MXD3: variants seen among roughly 807,000 people sequenced by gnomAD.
MXD3 encodes Max-associated protein 3.
In MXD3, 20 loss-of-function variants were observed where a neutral mutation model predicts 27.5. The observed-to-expected ratio is 0.73, with a 90% CI of 0.51 to 1.06. The LOEUF (loss-of-function observed/expected upper bound fraction) is 1.06, where lower values mean the gene tolerates loss of function less well. MXD3 is among the 50% of genes least tolerant of loss of function. The probability of loss-of-function intolerance (pLI) is 0.00; values close to 1 mark genes in which losing one functional copy is unlikely to be tolerated. For synonymous variants in MXD3, 150 were observed against 130.7 expected (o/e 1.15, Z -1.01); for missense variants, 298 against 291.3 (o/e 1.02, Z -0.17).
At chr5:177,306,405 C>T, downstream of MXD3, 1 of 1,613,952 alleles carries the variant, frequency 6.2e-7, no homozygotes, top group Non-Finnish European at 8.5e-7. Context: ...AAGGCAGCCA[C>T]CTGCCGTTCG....
At chr5:177,305,833 GA>G (rs1441511426), downstream of MXD3, 1 of 1,576,262 alleles carries the variant, frequency 6.3e-7, no homozygotes, top group East Asian at 2.2e-5. Context: ...TTGGCAAAAT[GA>G]AAGACTGTTC....
At chr5:177,311,534 C>T in intron 1 of MXD3, 50 bp from the exon 2 acceptor site, 2 of 1,366,400 alleles carry the variant, frequency 1.5e-6, no homozygotes, top group South Asian at 1.6e-5. Context: ...GACCTGGTCC[C>T]AGCGGCAGCC....
upstream of MXD3, chr5:177,311,981 GGCTCC>G (rs1292335861): frequency 9.2e-6 from 12 of 1,309,052 alleles, no homozygotes; most frequent in Non-Finnish European, 1.2e-5. Flanking sequence ...CCCAGCCCTT[GGCTCC>G]GCCCCTCTGG....
At chr5:177,306,359 G>A, downstream of MXD3, 4 of 1,609,818 alleles carry the variant, frequency 2.5e-6, no homozygotes, top group Non-Finnish European at 3.4e-6. Flanking sequence ...GTGTCATGGG[G>A]GAGGGAAATT....
intron 2 of MXD3, 150 bp from the exon 3 acceptor site, chr5:177,310,847 C>T: frequency 5.8e-6 from 5 of 862,586 alleles, no homozygotes; most frequent in Non-Finnish European, 9.2e-6. Context: ...ACACCAGAGT[C>T]CCCTGGCAGG....
chr5:177,309,759 C>T (rs1363161908), intron 4 of MXD3, among the ~76,000 whole-genome samples: 1 of 148,726 alleles, frequency 6.7e-6, no homozygotes, highest in African/African-American at 2.6e-5. Context: ...CCTAGCTGTG[C>T]CTTCATGTAT....
downstream of MXD3, chr5:177,306,871 C>T (rs1760892890): frequency 1.4e-6 from 1 of 725,230 alleles, no homozygotes; most frequent in African/African-American, 1.8e-5. Context: ...CCGACAAGGG[C>T]AGGGCTTTTG....
At chr5:177,306,781 C>T (rs903539249), downstream of MXD3, 27 of 902,946 alleles carry the variant, frequency 3.0e-5, no homozygotes, top group Non-Finnish European at 4.1e-5. Context: ...AGCTGAGGAC[C>T]GAGGCACAGA....
intron 4 of MXD3, among the ~76,000 whole-genome samples, chr5:177,309,085 G>A (rs1232853449): frequency 6.6e-6 from 1 of 152,258 alleles, no homozygotes; most frequent in Non-Finnish European, 1.5e-5. Context: ...AGCCTGGGAA[G>A]AGCACAGAGC....
chr5:177,307,343 G>A lies in MXD3; in HGVS notation c.*245C>T, dbSNP rs1037216889. On this transcript the variant is annotated 3_prime_UTR_variant, in exon 6 of 6. Transcript: ENST00000439742. ...GCAGCAGAGCCAAATGCTTGGGCTC[G>A]GGCCCAAGCTGCCTGCCCTGCAGGG... 25 of 1,535,124 alleles carry A rather than the reference G, an allele frequency of 1.6e-5. No homozygotes were observed. Among genetic ancestry groups the A allele is most frequent in the East Asian group, 7.4e-5 (3 of 40,804 alleles).
chr5:177,311,657 T>C (rs1474217161), intron 1 of MXD3, 104 bp downstream of exon 1: 1 of 1,265,974 alleles, frequency 7.9e-7, no homozygotes, highest in Non-Finnish European at 1.1e-6. Flanking sequence ...CGCCCCGGGA[T>C]TACTGTCCTA....
In MXD3 at chr5:177,310,881, G is replaced by A. The variant is rs1268539773; in HGVS notation, c.177-184C>T. 7.4e-6 allele frequency: 5 copies of A among 675,284 alleles called. No individual in the cohort carries two copies. In the East Asian group the frequency reaches 1.4e-4, roughly 18 times the overall value. 41.8% of individuals were successfully genotyped at this position (675,284 alleles called of 1,614,324 possible). On this transcript the variant is annotated intron_variant, in intron 2 of 5. Transcript: ENST00000439742. The stretch of plus-strand genomic sequence containing the variant: ...GGGCGAGGGGAGTCAAAGACACACG[G>A]AGCCAAATGCTTAACAGAAGCCTGC...
chr5:177,306,517 C>G, downstream of MXD3: 12 of 1,612,930 alleles, frequency 7.4e-6, no homozygotes, highest in Non-Finnish European at 1.0e-5. Flanking sequence ...GGCCAAGGAC[C>G]TCGCCAGCAA....
At chr5:177,306,484 A>T (rs1192482653), downstream of MXD3, 5 of 1,613,700 alleles carry the variant, frequency 3.1e-6, no homozygotes, top group Admixed American at 1.7e-5. Flanking sequence ...GGCAAAGGAG[A>T]CGGCACTGGC....
chr5:177,305,820 A>C (rs1760855019), downstream of MXD3: 1 of 1,503,056 alleles, frequency 6.7e-7, no homozygotes, highest in Non-Finnish European at 9.2e-7. Flanking sequence ...ATTTATGTGC[A>C]AGTTGGCAAA....
chr5:177,307,997 C>T, intron 4 of MXD3, 33 bp from the exon 5 acceptor site: 1 of 1,485,164 alleles, frequency 6.7e-7, no homozygotes. Flanking sequence ...GGGCTGGGGT[C>T]AGCGGCGTGG....
intron 4 of MXD3, among the ~76,000 whole-genome samples, chr5:177,308,340 C>CATGACATGGGAAA: frequency 6.6e-6 from 1 of 152,104 alleles, no homozygotes; most frequent in South Asian, 2.1e-4. Context: ...GGGAAACAGG[C>CATGACATGGGAAA]CCGGTGTTAC....
chr5:177,305,997 G>A, downstream of MXD3: 1 of 1,611,834 alleles, frequency 6.2e-7, no homozygotes. Context: ...GAGCAGTGTT[G>A]TTGGGGCTGC....
At chr5:177,307,015 A>G (rs1760896062), downstream of MXD3, 3 of 1,439,292 alleles carry the variant, frequency 2.1e-6, no homozygotes, top group East Asian at 7.5e-5. Context: ...TTTGGACCTC[A>G]GGCGAGTCAC....
Sources: gnomAD v4.1 joint callset for allele counts (sites outside exome capture counted in the v4.1 genomes callset) on GRCh38, gnomAD v4.1.1 for gene constraint, MANE v1.5 for transcripts, NCBI Gene and HGNC (gene_info 2026-07-23, HGNC 2026-07-21) for gene names.